The following SGPP2 variants were observed in gnomAD, a reference collection of about 807,000 sequenced individuals.
SGPP2 encodes sphingosine-1-phosphate phosphatase 2.
SGPP2 carries 30 observed loss-of-function variants against 33.9 expected under a neutral mutation model. The ratio of observed to expected loss-of-function variants is 0.89; its 90% CI spans 0.66 to 1.20. The LOEUF (loss-of-function observed/expected upper bound fraction) is 1.20. SGPP2 is among the 50% of genes most tolerant of loss of function. The probability of loss-of-function intolerance (pLI) is 0.00; values close to 1 mark genes in which losing one functional copy is unlikely to be tolerated. For synonymous variants in SGPP2, 233 were observed against 225.0 expected, an observed-to-expected ratio of 1.04 and a Z score of -0.32; for missense variants, 458 against 532.1, an observed-to-expected ratio of 0.86 and a Z score of 1.37.
At chr2:222,454,224 G>A (rs2106078534) in intron 1 of SGPP2, among the ~76,000 whole-genome samples, 1 of 152,290 alleles carries the variant, frequency 6.6e-6, no homozygotes, top group Admixed American at 6.5e-5. Flanking sequence ...ATAAAGAGAG[G>A]AGAGCCTGCT....
intron 1 of SGPP2, among the ~76,000 whole-genome samples, chr2:222,454,188 T>C (rs1466097538): frequency 6.6e-6 from 1 of 152,228 alleles, no homozygotes; most frequent in Non-Finnish European, 1.5e-5. Context: ...CAGAAAATTT[T>C]CTCTCTAACC....
At chr2:222,466,253 CTTT>C (rs34005867) in intron 1 of SGPP2, among the ~76,000 whole-genome samples, 1 of 104,704 alleles carries the variant, frequency 9.6e-6, no homozygotes. Context: ...CTGTTTTCAA[CTTT>C]TTTTTTTTTT....
At chr2:222,485,554 C>T (rs1377010894) in intron 2 of SGPP2, among the ~76,000 whole-genome samples, 1 of 152,230 alleles carries the variant, frequency 6.6e-6, no homozygotes, top group Admixed American at 6.5e-5. Flanking sequence ...CTTCCTTATC[C>T]TATTCTGTAA....
rs1055588849 is a variant in SGPP2 at position 222,559,079 on chromosome 2, T to G, written c.*181T>G. 22 of 622,586 alleles carry G rather than the reference T, an allele frequency of 3.5e-5. No homozygotes were observed. Among genetic ancestry groups the G allele is most frequent in the African/African-American group, 3.3e-4 (18 of 54,246 alleles). 38.6% of individuals were successfully genotyped at this position (622,586 alleles called of 1,614,324 possible). A position where few individuals can be genotyped will look rare whatever the true frequency, so the allele number is the denominator to read the frequency against. ...AGGAAGAACTGTCTCATAGCGGTCA[T>G]TGGTCGTCCGTGGTGGTTGGTTGTG... is the stretch of plus-strand genomic sequence containing the variant. On this transcript the variant is annotated 3_prime_UTR_variant, in exon 5 of 5. Transcript: ENST00000321276.
intron 1 of SGPP2, chr2:222,452,326 G>A (rs969771205): frequency 7.6e-6 from 5 of 654,454 alleles, no homozygotes; most frequent in African/African-American, 1.8e-5. Context: ...ATCCTATGAG[G>A]GAGGGGAGGA....
chr2:222,446,509 G>T (rs1388527859), intron 1 of SGPP2, among the ~76,000 whole-genome samples: 6 of 152,144 alleles, frequency 3.9e-5, no homozygotes, highest in African/African-American at 1.4e-4. Context: ...CTATGCATGG[G>T]TTATATCCAT....
intron 1 of SGPP2, 102 bp downstream of exon 1, chr2:222,424,923 C>A (rs1474427257): frequency 1.0e-6 from 1 of 996,224 alleles, no homozygotes; most frequent in African/African-American, 1.7e-5. Flanking sequence ...CGAGAGGGCG[C>A]CGTCCCCGGC....
chr2:222,559,170 C>G lies in SGPP2; in HGVS notation c.*272C>G, dbSNP rs528467815. 9.3e-3 allele frequency: 1,020 copies of G among 109,340 alleles called. 140 individuals carry two copies. Among genetic ancestry groups the G allele is most frequent in the African/African-American group, 0.043 (851 of 19,718 alleles). The allele number at this position is 109,340 out of a possible 1,614,324, so 6.8% of individuals were successfully genotyped here. On this transcript the variant is annotated 3_prime_UTR_variant, in exon 5 of 5. Coordinates refer to ENST00000321276, the MANE Select transcript of SGPP2 (RefSeq NM_152386.4). ...TAAAGGCACACACCGCGCCCCCCCC[C>G]CCCCCGCCCGGCCCCTGCTCCTCTC...
rs575071248 is a variant in SGPP2, at chr2:222,477,059, A to T, written c.378+2333A>T. Among the ~76,000 whole-genome samples the T allele has an allele frequency of 2.0e-5, 3 of 151,320 alleles. No individual in the cohort carries two copies. The East Asian group carries it at 5.8e-4, about 29-fold the overall frequency. ...TGTGTATGTGTGTATAGGTGTGTATATATGTGTGTTTATAGATATGTATAT... is the reference window on the plus strand; with the variant it reads ...TGTGTATGTGTGTATAGGTGTGTATTTATGTGTGTTTATAGATATGTATAT... On this transcript the variant is annotated intron_variant, in intron 2 of 4. Transcript: ENST00000321276. This position sits in a 1 kb window ranked among gnomAD's most constrained non-coding sequence, Gnocchi z 6.0.
chr2:222,501,871 G>T (rs993573147), intron 2 of SGPP2, among the ~76,000 whole-genome samples: 2 of 152,154 alleles, frequency 1.3e-5, no homozygotes, highest in African/African-American at 2.4e-5. Flanking sequence ...AAGGGTTGGG[G>T]TTTTTTATGA....
At chr2:222,541,867 G>T (rs1312756924) in intron 4 of SGPP2, among the ~76,000 whole-genome samples, 1 of 152,136 alleles carries the variant, frequency 6.6e-6, no homozygotes, top group Non-Finnish European at 1.5e-5. Flanking sequence ...CTCCCAAAGT[G>T]CTGGGATTAC....
rs141391402 is a variant in SGPP2, at chr2:222,558,791, C to G, written c.1093C>G (p.Arg365Gly). The G allele has an allele frequency of 2.7e-5, 43 of 1,614,086 alleles. No individual in the cohort carries two copies. The Admixed American group carries it at 5.5e-4, about 21-fold the overall frequency. ...KVVTRNKEARRRLEIEVPYKF... is the reference protein window; with the variant it reads ...KVVTRNKEARGRLEIEVPYKF... The stretch of plus-strand genomic sequence containing the variant: ...GGTCACCAGGAACAAGGAGGCCAGG[C>G]GGAGACTGGAGATTGAAGTGCCTTA... Residue 365 changes from arginine to glycine, a missense_variant, in exon 5 of 5, where the codon CGG becomes GGG. By Grantham distance (125) the Arg-to-Gly change is moderately radical. Transcript: ENST00000321276.
intron 2 of SGPP2, among the ~76,000 whole-genome samples, chr2:222,515,374 G>T (rs752749914): frequency 4.6e-5 from 7 of 152,086 alleles, no homozygotes; most frequent in Non-Finnish European, 8.8e-5. Flanking sequence ...TGTCACCCAG[G>T]CTGGAGCGCA....
intron 1 of SGPP2, among the ~76,000 whole-genome samples, chr2:222,456,486 A>C (rs1171402221): frequency 2.6e-5 from 4 of 152,256 alleles, no homozygotes; most frequent in Non-Finnish European, 4.4e-5. Flanking sequence ...ATGGCAGCTT[A>C]CAAATTCATA....
At chr2:222,539,086 T>TC (rs1317200859) in intron 4 of SGPP2, among the ~76,000 whole-genome samples, 1 of 152,096 alleles carries the variant, frequency 6.6e-6, no homozygotes, top group Non-Finnish European at 1.5e-5. Flanking sequence ...AAGTTCAGAG[T>TC]CCCAAGTCCC....
intron 2 of SGPP2, among the ~76,000 whole-genome samples, chr2:222,492,118 A>G (rs1698206365): frequency 6.6e-6 from 1 of 152,152 alleles, no homozygotes; most frequent in Admixed American, 6.5e-5. Context: ...TTTCAGACAC[A>G]TGGTGCAAGC....
At chr2:222,435,040 GTATA>G (rs1250355567) in intron 1 of SGPP2, among the ~76,000 whole-genome samples, 1 of 144,662 alleles carries the variant, frequency 6.9e-6, no homozygotes, top group Non-Finnish European at 1.5e-5. Context: ...ATATATATGT[GTATA>G]TATATACACA....
chr2:222,471,738 C>A (rs775305725), intron 1 of SGPP2, among the ~76,000 whole-genome samples: 6 of 152,158 alleles, frequency 3.9e-5, no homozygotes, highest in Non-Finnish European at 8.8e-5. Context: ...CTCTAAGAGT[C>A]TTGAGAAAAA....
At chr2:222,492,373 C>G (rs558726148) in intron 2 of SGPP2, among the ~76,000 whole-genome samples, 1 of 152,382 alleles carries the variant, frequency 6.6e-6, no homozygotes, top group Admixed American at 6.5e-5. Context: ...TTCTTGACTT[C>G]TGTGTGCCCA....
Sources: allele counts gnomAD v4.1 joint callset (sites outside exome capture counted in the v4.1 genomes callset), GRCh38; gene constraint gnomAD v4.1.1; non-coding constraint Gnocchi (gnomAD v3.1); transcripts MANE v1.5; gene names NCBI Gene and HGNC (gene_info 2026-07-23, HGNC 2026-07-21).